Variants in PPFIA3 observed in about 807,000 individuals in gnomAD.
PPFIA3 encodes PPFI scaffold protein A3.
Under a neutral mutation model 145.8 loss-of-function variants are expected in PPFIA3, and 26 were observed. That is an observed-to-expected ratio of 0.18 (90% CI 0.13 to 0.25). The LOEUF (loss-of-function observed/expected upper bound fraction) is 0.25, where lower values mean the gene tolerates loss of function less well. PPFIA3 is among the 10% of genes least tolerant of loss of function. The pLI, the probability that PPFIA3 is intolerant of heterozygous loss-of-function variation, is 1.00. For missense variants in PPFIA3, 1,008 were observed against 1,587.8 expected (o/e 0.63, Z 6.21); for synonymous variants, 645 against 661.4 (o/e 0.98, Z 0.38).
Position 49,149,355 on chromosome 19 carries a change from G to T in PPFIA3, c.3354+30G>T. 7 of 1,611,828 alleles carry T rather than the reference G, an allele frequency of 4.3e-6. No homozygotes were observed. The highest frequency in any genetic ancestry group is 5.9e-6 in the Non-Finnish European group (7 of 1,178,196). On this transcript the variant is annotated intron_variant, in intron 27 of 29. Transcript: ENST00000334186. This position sits in a 1 kb window ranked among gnomAD's most constrained non-coding sequence, Gnocchi z 5.7. ...GCGCGGCAACAGCTCAGAGGGCTCT[G>T]CTCCCAGCGGCTCCTCGAGAGGCTG...
At position 49,133,759 on chromosome 19, in the gene PPFIA3, G is replaced by A; in HGVS notation, c.1162-37G>A. The A allele has an allele frequency of 6.3e-7, 1 of 1,599,260 alleles. No individual in the cohort carries two copies. Among genetic ancestry groups the A allele is most frequent in the Non-Finnish European group, 8.6e-7 (1 of 1,168,792 alleles). On this transcript the variant is annotated intron_variant, in intron 9 of 29. Coordinates refer to ENST00000334186, the MANE Select transcript of PPFIA3 (RefSeq NM_003660.4). This position sits in a 1 kb window ranked among gnomAD's most constrained non-coding sequence, Gnocchi z 7.2. ...GGGGCTGGGAGCCTGACTGATCCTGGAAGGGTAAGTCACACGCCATGGGTT... is the reference window on the plus strand; with the variant it reads ...GGGGCTGGGAGCCTGACTGATCCTGAAAGGGTAAGTCACACGCCATGGGTT...
Position 49,128,577 on chromosome 19 carries a change from C to T in PPFIA3, c.342+109C>T, listed in dbSNP as rs998820404. 1.9e-6 allele frequency: 2 copies of T among 1,054,214 alleles called. No individual in the cohort carries two copies. The highest frequency in any genetic ancestry group is 3.1e-5 in the African/African-American group (2 of 63,794). The allele number at this position is 1,054,214 out of a possible 1,614,324, so 65.3% of individuals were successfully genotyped here. The stretch of plus-strand genomic sequence containing the variant: ...CGTGACCTATTTTTTTCCCCCATCT[C>T]GCCTTTCTGTCTTCTCCTCTTCCCT... On this transcript the variant is annotated intron_variant, in intron 3 of 29. Transcript: ENST00000334186. This position sits in a 1 kb window ranked among gnomAD's most constrained non-coding sequence, Gnocchi z 4.1.
In PPFIA3 at chr19:49,142,870, A is replaced by G; in HGVS notation, c.2611A>G (p.Met871Val). Residue 871 changes from methionine (M) to valine (V), a missense_variant, in exon 21 of 30, where the codon ATG becomes GTG. By Grantham distance (21) the Met-to-Val change is conservative. Transcript: ENST00000334186. ...CRANVKSGAIMANLSDTEIQR... is the reference protein window; with the variant it reads ...CRANVKSGAIVANLSDTEIQR... ...GGCCAATGTCAAGAGCGGTGCCATC[A>G]TGGCCAACCTGTCAGACACGGAGAT... The G allele has an allele frequency of 6.2e-7, 1 of 1,613,752 alleles. No homozygotes were observed. The highest frequency in any genetic ancestry group is 8.5e-7 in the Non-Finnish European group (1 of 1,179,962).
intron 15 of PPFIA3, among the ~76,000 whole-genome samples, chr19:49,137,572 G>A (rs2041153393): frequency 7.2e-6 from 1 of 139,470 alleles, no homozygotes; most frequent in Admixed American, 7.6e-5. Flanking sequence ...GGAGCTTGCA[G>A]TGAGCCGAGA....
At chr19:49,129,052 T>C (rs4802566) in intron 4 of PPFIA3, 40 bp downstream of exon 4, 932,147 of 1,533,740 alleles carry the variant, frequency 0.61, 290,873 homozygotes, top group African/African-American at 0.92. Flanking sequence ...AATGGAAACC[T>C]ATAGTTGACT....
At chr19:49,141,542 G>GTGTGTA in intron 19 of PPFIA3, 29 bp downstream of exon 19, 1 of 1,572,584 alleles carries the variant, frequency 6.4e-7, no homozygotes, top group African/African-American at 1.4e-5. Context: ...GAGCGTGTGT[G>GTGTGTA]TGTGTATGTG....
intron 1 of PPFIA3, among the ~76,000 whole-genome samples, chr19:49,124,402 G>C (rs2040972621): frequency 6.6e-6 from 1 of 152,104 alleles, no homozygotes; most frequent in Non-Finnish European, 1.5e-5. Context: ...AGCAGGCTCT[G>C]AGTTCTAGAT....
In PPFIA3 at chr19:49,150,265, C is replaced by A; in HGVS notation, c.*43C>A. ...CCTCACTCGGACGGAAGAATCTTCCCGAGGCTGGGCTGTTCCCTCTCCTGC... is the reference window on the plus strand; with the variant it reads ...CCTCACTCGGACGGAAGAATCTTCCAGAGGCTGGGCTGTTCCCTCTCCTGC... On this transcript the variant is annotated 3_prime_UTR_variant, in exon 30 of 30. Transcript: ENST00000334186. The A allele has an allele frequency of 9.9e-7, 1 of 1,013,860 alleles. No individual in the cohort carries two copies. 62.8% of individuals were successfully genotyped at this position (1,013,860 alleles called of 1,614,324 possible).
At chr19:49,144,412 G>A (rs970833848) in intron 21 of PPFIA3, among the ~76,000 whole-genome samples, 38 of 152,210 alleles carry the variant, frequency 2.5e-4, no homozygotes, top group African/African-American at 7.9e-4. Context: ...TTGTGGCTTC[G>A]TGTCAGCACG....
At chr19:49,122,402 A>G (rs1412564859) in intron 1 of PPFIA3, among the ~76,000 whole-genome samples, 1 of 151,998 alleles carries the variant, frequency 6.6e-6, no homozygotes, top group African/African-American at 2.4e-5. Flanking sequence ...TCATATATTT[A>G]GATAAGACCC....
chr19:49,125,916 A>T (rs2040990864), intron 1 of PPFIA3, among the ~76,000 whole-genome samples: 1 of 145,482 alleles, frequency 6.9e-6, no homozygotes, highest in East Asian at 1.9e-4. Flanking sequence ...GGTCCTGGCC[A>T]TACTGGTATT....
intron 23 of PPFIA3, 69 bp downstream of exon 23, chr19:49,146,261 G>A: frequency 6.4e-7 from 1 of 1,557,816 alleles, no homozygotes; most frequent in Non-Finnish European, 8.7e-7. Flanking sequence ...CCCCTCCTCC[G>A]AGCCCTGCCC....
intron 1 of PPFIA3, 78 bp from the exon 2 acceptor site, chr19:49,127,781 T>C: frequency 1.3e-6 from 2 of 1,520,610 alleles, no homozygotes; most frequent in South Asian, 2.4e-5. Flanking sequence ...CCCTACGTGG[T>C]ATCCGAGTGG....
intron 21 of PPFIA3, 153 bp from the exon 22 acceptor site, chr19:49,145,790 A>G (rs771358762): frequency 5.0e-5 from 35 of 701,274 alleles, no homozygotes; most frequent in Non-Finnish European, 8.4e-5. Flanking sequence ...CAGGTGCCCT[A>G]TAATAAGAAT....
intron 23 of PPFIA3, 142 bp from the exon 24 acceptor site, chr19:49,147,941 A>C: frequency 3.6e-6 from 3 of 826,934 alleles, no homozygotes; most frequent in Non-Finnish European, 5.7e-6. Context: ...GGATTGGTCC[A>C]TTATCCTGAG....
chr19:49,140,093 G>A lies in PPFIA3; in HGVS notation c.2368+5G>A, dbSNP rs2041199586. 1 of 1,613,776 alleles carries A rather than the reference G, an allele frequency of 6.2e-7. No homozygotes were observed. Among genetic ancestry groups the A allele is most frequent in the Non-Finnish European group, 8.5e-7 (1 of 1,180,026 alleles). The stretch of plus-strand genomic sequence containing the variant: ...GCCGGGACAGCTCTTCTCTGGGTGA[G>A]TACCTCACTCTAACCCTTCCCTCCT... On this transcript the variant is annotated splice_donor_5th_base_variant and intron_variant, in intron 18 of 29. Transcript: ENST00000334186.
In PPFIA3 at chr19:49,146,005, C is replaced by A; in HGVS notation, c.2808C>A (p.Pro936=). 1 of 1,613,864 alleles carries A rather than the reference C, an allele frequency of 6.2e-7. No individual in the cohort carries two copies. The highest frequency in any genetic ancestry group is 8.5e-7 in the Non-Finnish European group (1 of 1,179,970). The part of the protein sequence containing the change: ...EMESLTATTK[P]ETKEISWEQI... The stretch of plus-strand genomic sequence containing the variant: ...AGTCCCTTACGGCCACGACCAAGCC[C>A]GTGAGTGCCCCCTGCCGGCCGCCTT... The change falls in exon 22 of 30, where the codon CCC becomes CCA. Residue 936 remains proline, a splice_region_variant and synonymous_variant. Transcript: ENST00000334186.
At chr19:49,140,822 C>A (rs535234489) in intron 18 of PPFIA3, among the ~76,000 whole-genome samples, 1 of 151,196 alleles carries the variant, frequency 6.6e-6, no homozygotes, top group African/African-American at 2.4e-5. Context: ...GCCCGGCTAA[C>A]TTTTTGTATT....
Position 49,128,570 on chromosome 19 carries a change from C to A in PPFIA3, c.342+102C>A. On this transcript the variant is annotated intron_variant, in intron 3 of 29. Coordinates refer to ENST00000334186, the MANE Select transcript of PPFIA3 (RefSeq NM_003660.4). This position sits in a 1 kb window ranked among gnomAD's most constrained non-coding sequence, Gnocchi z 4.1. ...GTTGCAGCGTGACCTATTTTTTTCCCCCATCTCGCCTTTCTGTCTTCTCCT... is the reference window on the plus strand; with the variant it reads ...GTTGCAGCGTGACCTATTTTTTTCCACCATCTCGCCTTTCTGTCTTCTCCT... 1 of 1,121,424 alleles carries A rather than the reference C, an allele frequency of 8.9e-7. No individual in the cohort carries two copies. The highest frequency in any genetic ancestry group is 1.3e-6 in the Non-Finnish European group (1 of 768,534). The allele number at this position is 1,121,424 out of a possible 1,614,324, so 69.5% of individuals were successfully genotyped here.
Sources: gnomAD v4.1 joint callset for allele counts (sites outside exome capture counted in the v4.1 genomes callset) on GRCh38, gnomAD v4.1.1 for gene constraint, Gnocchi (gnomAD v3.1) non-coding constraint, MANE v1.5 for transcripts, NCBI Gene and HGNC (gene_info 2026-07-23, HGNC 2026-07-21) for gene names.